Variants in PLCB1 observed in about 807,000 individuals in gnomAD.
PLCB1 encodes the protein 1-phosphatidylinositol 4,5-bisphosphate phosphodiesterase beta-1.
PLCB1 carries 46 observed loss-of-function variants against 161.8 expected under a neutral mutation model. That is an observed-to-expected ratio of 0.28 (90% CI 0.22 to 0.36). The LOEUF (loss-of-function observed/expected upper bound fraction) is 0.36, where lower values mean the gene tolerates loss of function less well. Among genes scored for constraint, PLCB1 ranks in the 10% least tolerant of loss-of-function variants. The probability of loss-of-function intolerance (pLI) is 1.00; values close to 1 mark genes in which losing one functional copy is unlikely to be tolerated. For synonymous variants in PLCB1, 517 were observed against 503.7 expected, an observed-to-expected ratio of 1.03 and a Z score of -0.35; for missense variants, 1,016 against 1,472.5, an observed-to-expected ratio of 0.69 and a Z score of 5.07.
At chr20:8,371,827 A>G (rs922771010) in intron 3 of PLCB1, 1 of 168,986 alleles carries the variant, frequency 5.9e-6, no homozygotes, top group African/African-American at 2.4e-5. Flanking sequence ...ACTCCCATAT[A>G]GCTGAAATGC....
intron 2 of PLCB1, among the ~76,000 whole-genome samples, chr20:8,259,405 T>A (rs2123238796): frequency 6.6e-6 from 1 of 152,078 alleles, no homozygotes; most frequent in East Asian, 1.9e-4. Context: ...TCACTTGATG[T>A]CAAGACTTAG....
At chr20:8,445,484 G>T (rs1298663162) in intron 3 of PLCB1, among the ~76,000 whole-genome samples, 1 of 151,820 alleles carries the variant, frequency 6.6e-6, no homozygotes, top group South Asian at 2.1e-4. Context: ...GTAGCATGAT[G>T]CCTCCAGCTT....
intron 2 of PLCB1, among the ~76,000 whole-genome samples, chr20:8,237,290 A>G (rs1209052171): frequency 6.6e-6 from 1 of 152,056 alleles, no homozygotes; most frequent in African/African-American, 2.4e-5. Flanking sequence ...ACATTAAGAA[A>G]GCTGTTACCA....
chr20:8,852,480 C>A (rs1986921704), intron 31 of PLCB1, among the ~76,000 whole-genome samples: 1 of 152,162 alleles, frequency 6.6e-6, no homozygotes, highest in Admixed American at 6.5e-5. Context: ...GCAGAACTCC[C>A]ACTAGCCATA....
At chr20:8,503,390 A>G (rs1044449011) in intron 3 of PLCB1, among the ~76,000 whole-genome samples, 1 of 152,010 alleles carries the variant, frequency 6.6e-6, no homozygotes, top group Non-Finnish European at 1.5e-5. Flanking sequence ...TCTTCCTTCT[A>G]CACACTATTC....
chr20:8,183,302 T>A (rs565571369), intron 2 of PLCB1, among the ~76,000 whole-genome samples: 1 of 152,352 alleles, frequency 6.6e-6, no homozygotes, highest in East Asian at 1.9e-4. Context: ...GGAAAAAAAC[T>A]AATTTTTGTC....
intron 14 of PLCB1, among the ~76,000 whole-genome samples, chr20:8,718,306 T>C (rs942919817): frequency 6.6e-6 from 1 of 152,228 alleles, no homozygotes; most frequent in African/African-American, 2.4e-5. Context: ...ACTGGTTTTC[T>C]CTTGCTGCTA....
chr20:8,740,835 A>T (rs892746683), intron 22 of PLCB1, among the ~76,000 whole-genome samples: 2 of 152,206 alleles, frequency 1.3e-5, no homozygotes, highest in African/African-American at 4.8e-5. Flanking sequence ...TTAAGGAATT[A>T]ACCAAGAATC....
intron 3 of PLCB1, among the ~76,000 whole-genome samples, chr20:8,385,690 T>C (rs1329299205): frequency 6.6e-6 from 1 of 152,210 alleles, no homozygotes; most frequent in East Asian, 1.9e-4. Flanking sequence ...TGCACAGTTC[T>C]GTGGAAAAAG....
At chr20:8,425,333 G>C (rs1031513306) in intron 3 of PLCB1, among the ~76,000 whole-genome samples, 1 of 152,092 alleles carries the variant, frequency 6.6e-6, no homozygotes, top group Admixed American at 6.6e-5. Context: ...GGAAAGTTAG[G>C]GTTTTCCTTT....
At chr20:8,378,605 G>C (rs6140610) in intron 3 of PLCB1, among the ~76,000 whole-genome samples, 1 of 152,342 alleles carries the variant, frequency 6.6e-6, no homozygotes, top group East Asian at 1.9e-4. Context: ...ATTCAGGGTA[G>C]TGATTGCTGA....
At chr20:8,692,563 T>C (rs1990502155) in intron 10 of PLCB1, among the ~76,000 whole-genome samples, 1 of 152,194 alleles carries the variant, frequency 6.6e-6, no homozygotes, top group Admixed American at 6.5e-5. Flanking sequence ...AGTAATAGGA[T>C]GCTATTATTT....
At chr20:8,171,163 T>G (rs775157693) in intron 2 of PLCB1, among the ~76,000 whole-genome samples, 1 of 152,168 alleles carries the variant, frequency 6.6e-6, no homozygotes, top group African/African-American at 2.4e-5. Flanking sequence ...TGGTGCAACA[T>G]TTTATAAATA....
intron 10 of PLCB1, among the ~76,000 whole-genome samples, chr20:8,695,946 G>A (rs1012793361): frequency 5.3e-5 from 8 of 152,154 alleles, no homozygotes; most frequent in African/African-American, 1.7e-4. Context: ...CCTTTCAGGT[G>A]CCTTCATTAT....
At chr20:8,691,028 C>T (rs1044780738) in intron 10 of PLCB1, among the ~76,000 whole-genome samples, 1 of 152,066 alleles carries the variant, frequency 6.6e-6, no homozygotes, top group Non-Finnish European at 1.5e-5. Flanking sequence ...TAATTAGAAA[C>T]AAAACTATAT....
intron 3 of PLCB1, among the ~76,000 whole-genome samples, chr20:8,498,705 C>CT: frequency 6.6e-6 from 1 of 152,290 alleles, no homozygotes; most frequent in Non-Finnish European, 1.5e-5. Context: ...AATTTAGTGG[C>CT]TTAAGACAAC....
At chr20:8,446,948 TATC>T (rs1980861729) in intron 3 of PLCB1, among the ~76,000 whole-genome samples, 1 of 152,216 alleles carries the variant, frequency 6.6e-6, no homozygotes, top group South Asian at 2.1e-4. Flanking sequence ...TACTGAATAA[TATC>T]ATCAAGGTTC....
intron 2 of PLCB1, among the ~76,000 whole-genome samples, chr20:8,207,697 C>A (rs190835025): frequency 1.3e-5 from 2 of 152,254 alleles, no homozygotes; most frequent in East Asian, 3.9e-4. Flanking sequence ...TCTCCCACCT[C>A]AGACTCCTGA....
At position 8,782,082 on chromosome 20, in the gene PLCB1, CAAAT is replaced by C. The variant is rs374174912; in HGVS notation, c.3112-6364_3112-6361del. ...CAAAGATTATTATAACATTGAGACT[CAAAT>C]AAGCAGCTATTTTAATATAAGTTCT... On this transcript the variant is annotated intron_variant, in intron 27 of 31. Coordinates refer to ENST00000338037, the MANE Select transcript of PLCB1 (RefSeq NM_015192.4). Among the ~76,000 whole-genome samples the C allele has an allele frequency of 5.2e-3, 797 of 152,218 alleles. 6 individuals are homozygous for C. Among genetic ancestry groups the C allele is most frequent in the African/African-American group, 0.018 (751 of 41,526 alleles).
Sources: allele counts gnomAD v4.1 joint callset (sites outside exome capture counted in the v4.1 genomes callset), GRCh38; gene constraint gnomAD v4.1.1; transcripts MANE v1.5; gene names NCBI Gene and HGNC (gene_info 2026-07-23, HGNC 2026-07-21).